Variants in PIGQ observed in about 807,000 individuals in gnomAD.
PIGQ encodes phosphatidylinositol N-acetylglucosaminyltransferase subunit Q.
A neutral mutation model predicts 60.3 loss-of-function variants in PIGQ; 54 were observed. The ratio of observed to expected loss-of-function variants is 0.90; its 90% CI spans 0.72 to 1.12. The LOEUF is 1.12. PIGQ is among the 50% of genes most tolerant of loss of function. The pLI, the probability that PIGQ is intolerant of heterozygous loss-of-function variation, is 0.00. For synonymous variants in PIGQ, 416 were observed against 363.7 expected (o/e 1.14, Z -1.64); for missense variants, 799 against 793.5 (o/e 1.01, Z -0.08).
intron 1 of PIGQ, chr16:572,568 G>GACGT (rs1567174012): frequency 4.4e-6 from 2 of 455,594 alleles, no homozygotes; most frequent in Non-Finnish European, 8.8e-6. Context: ...CGTCCCTAAG[G>GACGT]ATGTGGTGGG....
intron 4 of PIGQ, chr16:576,660 T>G: frequency 2.3e-6 from 1 of 442,608 alleles, no homozygotes; most frequent in Non-Finnish European, 4.0e-6. Flanking sequence ...GCAGCCCAGC[T>G]GGGACTTCCT....
Position 582,240 on chromosome 16 carries a change from C to T in PIGQ, c.1532-8C>T. ...CGTCCCCTCGTCAGCCGCTTGCTAT[C>T]CTTGCAGCTGGCGTGAAGTTCCGTG... On this transcript the variant is annotated splice_region_variant and splice_polypyrimidine_tract_variant and intron_variant, in intron 9 of 10. Coordinates refer to ENST00000321878, the MANE Select transcript of PIGQ (RefSeq NM_004204.5). 6.3e-7 allele frequency: 1 copy of T among 1,597,656 alleles called. No homozygotes were observed. The highest frequency in any genetic ancestry group is 8.5e-7 in the Non-Finnish European group (1 of 1,170,218).
Position 574,058 on chromosome 16 carries a change from TCTTCC to T in PIGQ, c.-9-7_-9-3del. 6.3e-7 allele frequency: 1 copy of T among 1,575,806 alleles called. No homozygotes were observed. Among genetic ancestry groups the T allele is most frequent in the East Asian group, 2.3e-5 (1 of 44,428 alleles). ...GCTCTGAGCCGAGCCTCTCCTCTTC[TCTTCC>T]AGCCTCCCGGCATGGTGCTCAAGGC... On this transcript the variant is annotated splice_region_variant and splice_polypyrimidine_tract_variant and intron_variant, in intron 1 of 10. Coordinates refer to ENST00000321878, the MANE Select transcript of PIGQ (RefSeq NM_004204.5).
rs146122020 is a variant in PIGQ at position 574,429 on chromosome 16, G to T, written c.355G>T (p.Gly119Cys). 1 of 1,610,644 alleles carries T rather than the reference G, an allele frequency of 6.2e-7. No homozygotes were observed. The highest frequency in any genetic ancestry group is 8.5e-7 in the Non-Finnish European group (1 of 1,179,136). The change falls in exon 2 of 11, where the codon GGT becomes TGT. Residue 119 changes from glycine (G) to cysteine (C), a missense_variant. Coordinates refer to ENST00000321878, the MANE Select transcript of PIGQ (RefSeq NM_004204.5). Reference protein sequence around the residue: ...ATHRQAPTAPGAPGEDQVMLI... With the variant: ...ATHRQAPTAPCAPGEDQVMLI... ...CCACCGGCAAGCGCCCACTGCCCCC[G>T]GTGCCCCTGGTGAGGACCAGGTCAT... is the stretch of plus-strand genomic sequence containing the variant.
In PIGQ at chr16:583,146, T is replaced by C. The variant is rs759416493; in HGVS notation, c.*111T>C. ...GTCCTGTGCTTTGTGGACGCTGCTGTGTGCTCCTGAACACGGCAGGCCCTG... is the reference window on the plus strand; with the variant it reads ...GTCCTGTGCTTTGTGGACGCTGCTGCGTGCTCCTGAACACGGCAGGCCCTG... On this transcript the variant is annotated 3_prime_UTR_variant, in exon 11 of 11. Coordinates refer to ENST00000321878, the MANE Select transcript of PIGQ (RefSeq NM_004204.5). The C allele has an allele frequency of 3.1e-6, 5 of 1,613,304 alleles. No homozygotes were observed. The highest frequency in any genetic ancestry group is 1.3e-5 in the African/African-American group (1 of 75,046).
chr16:582,984 C>G lies in PIGQ; in HGVS notation c.1695C>G (p.Phe565Leu). ...HSWGALCRKL[F>L]LGELIYPWRQ... ...GGGGCGCCCTGTGCCGCAAGCTGTT[C>G]CTTGGGGAGCTCATCTACCCCTGGA... The change falls in exon 11 of 11, where the codon TTC becomes TTG. Residue 565 changes from phenylalanine to leucine, a missense_variant. Coordinates refer to ENST00000321878, the MANE Select transcript of PIGQ (RefSeq NM_004204.5). 1 of 1,613,148 alleles carries G rather than the reference C, an allele frequency of 6.2e-7. No homozygotes were observed. The highest frequency in any genetic ancestry group is 8.5e-7 in the Non-Finnish European group (1 of 1,179,978).
chr16:574,227 G>A lies in PIGQ; in HGVS notation c.153G>A (p.Gln51=). 6.2e-7 allele frequency: 1 copy of A among 1,611,354 alleles called. No homozygotes were observed. Among genetic ancestry groups the A allele is most frequent in the Non-Finnish European group, 8.5e-7 (1 of 1,179,734 alleles). Residue 51 remains glutamine, a synonymous_variant, in exon 2 of 11, where the codon CAG becomes CAA. Coordinates refer to ENST00000321878, the MANE Select transcript of PIGQ (RefSeq NM_004204.5). ...TCCAGGTCAAGCAGCTCCTGGCCCAGGTGCGGCAGGCCAGCCAGGTGGGCG... is the reference window on the plus strand; with the variant it reads ...TCCAGGTCAAGCAGCTCCTGGCCCAAGTGCGGCAGGCCAGCCAGGTGGGCG... ...IPIQVKQLLA[Q]VRQASQVGVA... is the part of the protein sequence containing the mutation.
Position 578,358 on chromosome 16 carries a change from G to A in PIGQ, c.943-21G>A, listed in dbSNP as rs766431691. 1.6e-5 allele frequency: 26 copies of A among 1,600,970 alleles called. No individual in the cohort carries two copies. The African/African-American group carries it at 2.3e-4, about 14-fold the overall frequency. On this transcript the variant is annotated intron_variant, in intron 4 of 10. Coordinates refer to ENST00000321878, the MANE Select transcript of PIGQ (RefSeq NM_004204.5). ...TGAGCCTGGCTGCCCCCGCCCCAGCGTGGCCCCTGTGTCCCTGCAGCACGT... is the reference window on the plus strand; with the variant it reads ...TGAGCCTGGCTGCCCCCGCCCCAGCATGGCCCCTGTGTCCCTGCAGCACGT...
At chr16:577,058 T>TG (rs1044717632) in intron 4 of PIGQ, 5 of 151,656 alleles carry the variant, frequency 3.3e-5, no homozygotes, top group African/African-American at 1.2e-4. Flanking sequence ...TGTGTGGCTG[T>TG]GGGGGTGCAG....
chr16:583,906 G>T lies in PIGQ; in HGVS notation c.*871G>T, dbSNP rs2035858822. On this transcript the variant is annotated 3_prime_UTR_variant, in exon 11 of 11. Coordinates refer to ENST00000321878, the MANE Select transcript of PIGQ (RefSeq NM_004204.5). ...CCGAAAGTGCCTGCCAGACGGCACG[G>T]TCTGGGTGCGGGTGTTCCCTGTGAG... The T allele has an allele frequency of 1.9e-6, 1 of 523,394 alleles. No homozygotes were observed. The highest frequency in any genetic ancestry group is 3.1e-5 in the Admixed American group (1 of 32,442). 32.4% of individuals were successfully genotyped at this position (523,394 alleles called of 1,614,324 possible). A position where few individuals can be genotyped will look rare whatever the true frequency, so the allele number is the denominator to read the frequency against.
At chr16:580,093 T>C in intron 7 of PIGQ, 90 bp from the exon 8 acceptor site, 1 of 986,142 alleles carries the variant, frequency 1.0e-6, no homozygotes, top group Non-Finnish European at 1.5e-6. Context: ...AGGTCCCGAC[T>C]GCAGCTCCGG....
At chr16:576,341 G>A (rs551329474) in intron 4 of PIGQ, 87 bp downstream of exon 4, 64 of 1,408,344 alleles carry the variant, frequency 4.5e-5, no homozygotes, top group African/African-American at 7.1e-5. Context: ...CAGAGCCACC[G>A]CCCCACAAAG....
intron 1 of PIGQ, chr16:572,645 C>G (rs894675452): frequency 2.2e-6 from 1 of 456,020 alleles, no homozygotes. Flanking sequence ...TCTGAGACCT[C>G]CAGGCATCCC....
intron 1 of PIGQ, among the ~76,000 whole-genome samples, 176 bp from the exon 2 acceptor site, chr16:573,890 G>T (rs1250461280): frequency 6.6e-6 from 1 of 152,194 alleles, no homozygotes; most frequent in Non-Finnish European, 1.5e-5. Context: ...GAGAAGCATG[G>T]CCCACGCGAG....
At chr16:577,469 T>C (rs1015639492) in intron 4 of PIGQ, among the ~76,000 whole-genome samples, 31 of 150,790 alleles carry the variant, frequency 2.1e-4, no homozygotes, top group South Asian at 4.2e-4. Flanking sequence ...CCCAGCTAAT[T>C]GGGAGGCTGA....
chr16:572,570 T>G, intron 1 of PIGQ: 1 of 454,788 alleles, frequency 2.2e-6, no homozygotes, highest in South Asian at 1.6e-5. Flanking sequence ...TCCCTAAGGA[T>G]GTGGTGGGCT....
chr16:582,590 T>C, intron 10 of PIGQ: 1 of 569,378 alleles, frequency 1.8e-6, no homozygotes. Flanking sequence ...GCTCAAGTTC[T>C]GGGTGGAACA....
At chr16:571,488 C>CTGTG (rs71299924) in intron 1 of PIGQ, among the ~76,000 whole-genome samples, 1,466 of 61,754 alleles carry the variant, frequency 0.024, 62 homozygotes, top group African/African-American at 0.052. Context: ...TCTGGTTAGC[C>CTGTG]TGTGTGTGTG....
intron 10 of PIGQ, chr16:582,640 T>A: frequency 1.7e-6 from 1 of 591,256 alleles, no homozygotes; most frequent in Non-Finnish European, 3.0e-6. Flanking sequence ...TGTGCGTCCC[T>A]GTGGCACGGC....
Sources: allele counts gnomAD v4.1 joint callset (sites outside exome capture counted in the v4.1 genomes callset), GRCh38; gene constraint gnomAD v4.1.1; transcripts MANE v1.5; gene names NCBI Gene and HGNC (gene_info 2026-07-23, HGNC 2026-07-21).